Variants in ZNF420 observed in about 807,000 individuals in gnomAD.
ZNF420 encodes zinc finger protein 420, also known as ATM and p53-associated KZNF protein.
A neutral mutation model predicts 44.7 loss-of-function variants in ZNF420; 31 were observed. That is an observed-to-expected ratio of 0.69 (90% CI 0.52 to 0.94). ZNF420 has a LOEUF of 0.94. Ranked by LOEUF, ZNF420 falls within the 40% of genes least tolerant of loss-of-function variation. The probability of loss-of-function intolerance (pLI) is 0.00; values close to 1 mark genes in which losing one functional copy is unlikely to be tolerated. For missense variants in ZNF420, 681 were observed against 827.9 expected (o/e 0.82, Z 2.18); for synonymous variants, 245 against 267.4 (o/e 0.92, Z 0.82).
At chr19:37,012,732 G>A (rs1417336538) in intron 1 of ZNF420, among the ~76,000 whole-genome samples, 1 of 151,530 alleles carries the variant, frequency 6.6e-6, no homozygotes, top group Non-Finnish European at 1.5e-5. Flanking sequence ...GGGTTGCCTG[G>A]GGGGGTGTGC....
chr19:37,008,948 G>T (rs1040158036), intron 1 of ZNF420, among the ~76,000 whole-genome samples: 16 of 152,170 alleles, frequency 1.1e-4, no homozygotes, highest in African/African-American at 3.9e-4. Flanking sequence ...GATTGGGCAC[G>T]TGTGAAGATC....
chr19:37,018,220 C>CATATTAACAATACA (rs1249697326), intron 1 of ZNF420, among the ~76,000 whole-genome samples: 3 of 152,164 alleles, frequency 2.0e-5, no homozygotes, highest in Non-Finnish European at 4.4e-5. Flanking sequence ...TATGTCAATA[C>CATATTAACAATACA]TATCTAAAGC....
intron 4 of ZNF420, chr19:37,108,187 C>T (rs1465451842): frequency 6.6e-6 from 1 of 152,200 alleles, no homozygotes; most frequent in African/African-American, 2.4e-5. Flanking sequence ...AATGCAACTC[C>T]TGCCACAGCG....
At chr19:37,090,919 CAAA>C (rs879728879) in intron 3 of ZNF420, 73 bp from the exon 4 acceptor site, 152 of 1,141,680 alleles carry the variant, frequency 1.3e-4, no homozygotes, top group Middle Eastern at 2.4e-4. Flanking sequence ...GACTCCATCT[CAAA>C]AAAAAAAAAA....
chr19:37,041,449 C>T (rs1967451635), intron 1 of ZNF420, among the ~76,000 whole-genome samples: 3 of 152,062 alleles, frequency 2.0e-5, no homozygotes, highest in African/African-American at 7.2e-5. Context: ...ATATATAATA[C>T]AGTGATTGCA....
intron 4 of ZNF420, among the ~76,000 whole-genome samples, chr19:37,124,359 C>T (rs545649063): frequency 2.6e-5 from 4 of 152,332 alleles, no homozygotes; most frequent in Middle Eastern, 3.4e-3. Context: ...CTGATTCATT[C>T]GCCTTTTGAG....
In ZNF420 at chr19:37,014,856, T is replaced by C. The variant is rs140538568; in HGVS notation, c.-125+6774T>C. Among the ~76,000 whole-genome samples, 622 of 152,262 alleles carry C rather than the reference T, an allele frequency of 4.1e-3. 7 individuals carry two copies. Among genetic ancestry groups the C allele is most frequent in the Non-Finnish European group, 4.1e-3 (281 of 68,016 alleles). On this transcript the variant is annotated intron_variant, in intron 1 of 4. Transcript: ENST00000587029. ...GATCAGCACGGTGATCCCACAATCC[T>C]TGGAGACTGGCAGGGCCGAACTAGG...
intron 1 of ZNF420, among the ~76,000 whole-genome samples, chr19:37,056,106 C>G (rs34064441): frequency 0.16 from 24,446 of 151,286 alleles, 2,103 homozygotes; most frequent in African/African-American, 0.23. Context: ...CTCTCTCTCT[C>G]TTTCTCTTTC....
At chr19:37,087,013 G>A (rs992458705) in intron 2 of ZNF420, among the ~76,000 whole-genome samples, 1 of 152,002 alleles carries the variant, frequency 6.6e-6, no homozygotes, top group Admixed American at 6.6e-5. Flanking sequence ...GGCCACATGT[G>A]GTGGCTTATA....
At chr19:37,123,870 A>G (rs1397193881) in intron 4 of ZNF420, among the ~76,000 whole-genome samples, 5 of 151,786 alleles carry the variant, frequency 3.3e-5, no homozygotes, top group African/African-American at 7.3e-5. Flanking sequence ...AGCCTCCCAA[A>G]GTGCTGGTAT....
At chr19:37,058,505 G>A (rs796624832) in intron 1 of ZNF420, among the ~76,000 whole-genome samples, 5 of 152,290 alleles carry the variant, frequency 3.3e-5, no homozygotes, top group African/African-American at 1.2e-4. Context: ...GGCTGGGGCT[G>A]GGTGCAGGGG....
At chr19:37,124,388 G>C (rs374181911) in intron 4 of ZNF420, among the ~76,000 whole-genome samples, 2 of 152,212 alleles carry the variant, frequency 1.3e-5, no homozygotes, top group Non-Finnish European at 2.9e-5. Context: ...GGTAGTTCCA[G>C]TTTGGAGCAC....
chr19:37,060,048 C>T (rs539239731), intron 1 of ZNF420, among the ~76,000 whole-genome samples: 1 of 152,238 alleles, frequency 6.6e-6, no homozygotes, highest in Admixed American at 6.5e-5. Flanking sequence ...GGCTGGTTGT[C>T]TCGTTTTCGC....
chr19:37,029,493 T>C (rs1250474281), intron 1 of ZNF420, among the ~76,000 whole-genome samples: 2 of 152,184 alleles, frequency 1.3e-5, no homozygotes, highest in Admixed American at 6.5e-5. Context: ...AGAGTCAATA[T>C]TTTAATTTTG....
At chr19:37,114,810 G>GCCCA in intron 4 of ZNF420, among the ~76,000 whole-genome samples, 1 of 152,080 alleles carries the variant, frequency 6.6e-6, no homozygotes, top group South Asian at 2.1e-4. Context: ...TTTAATAATG[G>GCCCA]CCCAATCATT....
chr19:37,110,067 G>C (rs186017345), intron 4 of ZNF420, among the ~76,000 whole-genome samples: 2 of 152,170 alleles, frequency 1.3e-5, no homozygotes, highest in East Asian at 3.9e-4. Context: ...ACAGTATCCT[G>C]GTCCATTGTT....
chr19:37,073,992 G>T (rs1968106956), upstream of ZNF420, among the ~76,000 whole-genome samples: 2 of 151,930 alleles, frequency 1.3e-5, no homozygotes, highest in South Asian at 4.1e-4. Context: ...AAATAAAGAG[G>T]TATAGAGGGA....
chr19:37,012,884 T>TGC (rs1279635077), intron 1 of ZNF420, among the ~76,000 whole-genome samples: 9 of 152,020 alleles, frequency 5.9e-5, no homozygotes, highest in African/African-American at 2.2e-4. Flanking sequence ...TGCGCCCGTT[T>TGC]GCGTGTGTGT....
chr19:37,011,221 G>T (rs2074566700), intron 1 of ZNF420, among the ~76,000 whole-genome samples: 1 of 152,192 alleles, frequency 6.6e-6, no homozygotes, highest in African/African-American at 2.4e-5. Context: ...TGTCATGATT[G>T]TTTCTCTCTC....
Sources: gnomAD v4.1 joint callset for allele counts (sites outside exome capture counted in the v4.1 genomes callset) on GRCh38, gnomAD v4.1.1 for gene constraint, MANE v1.5 for transcripts, NCBI Gene and HGNC (gene_info 2026-07-23, HGNC 2026-07-21) for gene names.